The following SEMA5A variants were observed in gnomAD, a reference collection of about 807,000 sequenced individuals.
SEMA5A encodes the protein semaphorin-5A.
SEMA5A carries 55 observed loss-of-function variants against 135.5 expected under a neutral mutation model. That is an observed-to-expected ratio of 0.41 (90% CI 0.33 to 0.51). The LOEUF is 0.51. SEMA5A is among the 20% of genes least tolerant of loss of function. SEMA5A has a pLI of 0.37. For missense variants in SEMA5A, 1,290 were observed against 1,419.9 expected (o/e 0.91, Z 1.47); for synonymous variants, 580 against 546.5 (o/e 1.06, Z -0.85).
chr5:9,115,115 T>C (rs998245915), intron 15 of SEMA5A, among the ~76,000 whole-genome samples: 7 of 152,260 alleles, frequency 4.6e-5, no homozygotes, highest in African/African-American at 1.7e-4. Context: ...TAGAAATCCA[T>C]TGAAGGCCCA....
At chr5:9,533,749 C>T (rs1737587519) in intron 1 of SEMA5A, among the ~76,000 whole-genome samples, 2 of 152,142 alleles carry the variant, frequency 1.3e-5, no homozygotes, top group Non-Finnish European at 2.9e-5. Context: ...AGCTTTCTAC[C>T]AATTCTGAGA....
chr5:9,217,914 C>T (rs994737680), intron 8 of SEMA5A, among the ~76,000 whole-genome samples: 43 of 152,116 alleles, frequency 2.8e-4, no homozygotes, highest in African/African-American at 1.0e-3. Flanking sequence ...TCCTTATTTT[C>T]CTTGGATTGC....
intron 5 of SEMA5A, among the ~76,000 whole-genome samples, chr5:9,279,748 T>A (rs986670355): frequency 3.3e-5 from 5 of 152,000 alleles, no homozygotes; most frequent in African/African-American, 1.2e-4. Context: ...ACTCTCCCTC[T>A]CTCTCTCTCT....
Position 9,487,445 on chromosome 5 carries a change from C to T in SEMA5A, c.-174-49593G>A, listed in dbSNP as rs556854642. On this transcript the variant is annotated intron_variant, in intron 1 of 22. Coordinates refer to ENST00000382496, the MANE Select transcript of SEMA5A (RefSeq NM_003966.3). ...GGACACCAACCATGGGAATCGGCTC[C>T]AGAGACTCCAGGCAACCCATAAGCT... Among the ~76,000 whole-genome samples, 11 of 152,194 alleles carry T rather than the reference C, an allele frequency of 7.2e-5. No homozygotes were observed. The East Asian group carries it at 2.1e-3, about 29-fold the overall frequency.
At chr5:9,525,711 A>G (rs907618468) in intron 1 of SEMA5A, among the ~76,000 whole-genome samples, 1 of 152,238 alleles carries the variant, frequency 6.6e-6, no homozygotes, top group Non-Finnish European at 1.5e-5. Flanking sequence ...AAATCCTCAC[A>G]TGAAGTAGAA....
At chr5:9,492,255 T>A (rs895923248) in intron 1 of SEMA5A, among the ~76,000 whole-genome samples, 2 of 152,214 alleles carry the variant, frequency 1.3e-5, no homozygotes, top group African/African-American at 4.8e-5. Flanking sequence ...TGACTTCTTC[T>A]GTGCCAGAAA....
intron 15 of SEMA5A, 120 bp downstream of exon 15, chr5:9,118,877 CG>C: frequency 7.9e-7 from 1 of 1,267,700 alleles, no homozygotes; most frequent in Admixed American, 2.8e-5. Context: ...ACTGGCTCAG[CG>C]GAAAGGGATG....
At chr5:9,458,739 T>C (rs376419437) in intron 1 of SEMA5A, among the ~76,000 whole-genome samples, 8 of 152,168 alleles carry the variant, frequency 5.3e-5, no homozygotes, top group African/African-American at 1.9e-4. Flanking sequence ...TGAATTGCCA[T>C]GAATAACAGT....
In SEMA5A at chr5:9,493,313, TTA is replaced by T. The variant is rs1206625296; in HGVS notation, c.-175+52269_-175+52270del. Reference sequence around the variant, plus strand: ...TCTATCTATCTATATATATAAAACATTATATATATATAAGCATACTGTCATCT... The same window carrying T: ...TCTATCTATCTATATATATAAAACATTATATATATAAGCATACTGTCATCT... On this transcript the variant is annotated intron_variant, in intron 1 of 22. Transcript: ENST00000382496. 1.5e-3 allele frequency among the ~76,000 whole-genome samples: 223 copies of T among 150,692 alleles called. 3 individuals are homozygous for T. The highest frequency in any genetic ancestry group is 0.014 in the East Asian group (74 of 5,144).
At chr5:9,122,153 C>T (rs563457034) in intron 14 of SEMA5A, among the ~76,000 whole-genome samples, 6 of 152,194 alleles carry the variant, frequency 3.9e-5, no homozygotes, top group Admixed American at 1.3e-4. Context: ...CCACAGTAAG[C>T]GGAAGCAACA....
rs564386490 is a variant in SEMA5A, at chr5:9,518,790, A to T, written c.-175+26794T>A. 2.0e-5 allele frequency among the ~76,000 whole-genome samples: 3 copies of T among 152,346 alleles called. No individual in the cohort carries two copies. The East Asian group carries it at 5.8e-4, about 29-fold the overall frequency. On this transcript the variant is annotated intron_variant, in intron 1 of 22. Coordinates refer to ENST00000382496, the MANE Select transcript of SEMA5A (RefSeq NM_003966.3). ...ATGACCACTTTATTTTAAAAAACAG[A>T]GGAGATGCTGACTCAAAACAGAAGA...
At chr5:9,156,636 G>A (rs1742972382) in intron 11 of SEMA5A, among the ~76,000 whole-genome samples, 1 of 152,188 alleles carries the variant, frequency 6.6e-6, no homozygotes, top group African/African-American at 2.4e-5. Context: ...TCAGGGGTGG[G>A]TGGCCTGCCT....
chr5:9,279,600 A>G (rs1750440040), intron 5 of SEMA5A, among the ~76,000 whole-genome samples: 1 of 152,086 alleles, frequency 6.6e-6, no homozygotes, highest in African/African-American at 2.4e-5. Context: ...GTTGAATTAT[A>G]ATCCCTGCAT....
intron 16 of SEMA5A, among the ~76,000 whole-genome samples, chr5:9,067,128 G>C (rs1224744308): frequency 6.6e-6 from 1 of 152,144 alleles, no homozygotes; most frequent in East Asian, 1.9e-4. Context: ...AATGATGCAA[G>C]AGACTTTTTT....
Position 9,154,625 on chromosome 5 carries a change from A to T in SEMA5A, c.1344T>A (p.Ile448=). Residue 448 remains isoleucine (I), a synonymous_variant, in exon 12 of 23, where the codon ATT becomes ATA. Coordinates refer to ENST00000382496, the MANE Select transcript of SEMA5A (RefSeq NM_003966.3). ...QTSSSCLLEE[I]ELFPERRREP... The stretch of plus-strand genomic sequence containing the variant: ...CCCTCCGCCTCTCAGGGAAGAGCTC[A>T]ATCTCTTCCAGCAAACAGCTGCTTG... 1 of 1,614,092 alleles carries T rather than the reference A, an allele frequency of 6.2e-7. No individual in the cohort carries two copies. The highest frequency in any genetic ancestry group is 1.1e-5 in the South Asian group (1 of 91,078).
intron 11 of SEMA5A, among the ~76,000 whole-genome samples, chr5:9,170,997 C>T (rs1402729039): frequency 1.3e-5 from 2 of 151,982 alleles, no homozygotes; most frequent in Admixed American, 6.6e-5. Flanking sequence ...AGAAGGGGCT[C>T]CATATGGGAG....
chr5:9,300,971 GT>G (rs933304608), intron 5 of SEMA5A, among the ~76,000 whole-genome samples: 63 of 152,272 alleles, frequency 4.1e-4, no homozygotes, highest in African/African-American at 1.4e-3. Flanking sequence ...ATAGATTTTA[GT>G]TGTTTTTAAG....
chr5:9,447,421 G>A (rs1178926593), intron 1 of SEMA5A, among the ~76,000 whole-genome samples: 1 of 152,156 alleles, frequency 6.6e-6, no homozygotes, highest in African/African-American at 2.4e-5. Flanking sequence ...TCGCTTCTTT[G>A]AACACATGAA....
At chr5:9,444,168 GTTTA>G (rs891633641) in intron 1 of SEMA5A, among the ~76,000 whole-genome samples, 3 of 151,090 alleles carry the variant, frequency 2.0e-5, no homozygotes, top group Admixed American at 1.3e-4. Context: ...TTTTTTTTTA[GTTTA>G]TTTTTTTTAA....
Sources: gnomAD v4.1 joint callset for allele counts (sites outside exome capture counted in the v4.1 genomes callset) on GRCh38, gnomAD v4.1.1 for gene constraint, MANE v1.5 for transcripts, NCBI Gene and HGNC (gene_info 2026-07-23, HGNC 2026-07-21) for gene names.